TTN: variants seen among roughly 807,000 people sequenced by gnomAD.
The protein encoded by TTN is titin.
TTN carries 1,525 observed loss-of-function variants against 3,223.0 expected under a neutral mutation model. That is an observed-to-expected ratio of 0.47 (90% CI 0.45 to 0.49). The LOEUF is 0.49. TTN is among the 20% of genes least tolerant of loss of function. The pLI is 0.00. For synonymous variants in TTN, 14,094 were observed against 15,161.0 expected (o/e 0.93, Z 5.17); for missense variants, 40,786 against 43,424.0 (o/e 0.94, Z 5.40).
rs1316337733 is a variant in TTN at position 178,560,216 on chromosome 2, G to T, written c.85916C>A (p.Thr28639Asn). 6.2e-7 allele frequency: 1 copy of T among 1,613,768 alleles called. No homozygotes were observed. Among genetic ancestry groups the T allele is most frequent in the Non-Finnish European group, 8.5e-7 (1 of 1,179,776 alleles). The change falls in exon 326 of 363, where the codon ACC becomes AAC. Residue 28639 changes from threonine to asparagine, a missense_variant. Physicochemically the swap from Thr to Asn is moderately conservative, Grantham distance 65 (BLOSUM62 0). Coordinates refer to ENST00000589042, the MANE Select transcript of TTN (RefSeq NM_001267550.2). ...NAAGLSLPSE[T>N]SPLIRAEDPV... Reference sequence around the variant, plus strand: ...ATCTTCTGCCCTAATTAAGGGAGAGGTTTCACTTGGAAGACTTAGGCCAGC... The same window carrying T: ...ATCTTCTGCCCTAATTAAGGGAGAGTTTTCACTTGGAAGACTTAGGCCAGC...
At chr2:178,619,302 T>C in intron 250 of TTN, 1 of 406,476 alleles carries the variant, frequency 2.5e-6, no homozygotes, top group Non-Finnish European at 4.4e-6. Context: ...CACACAGGGG[T>C]TTGTAAAGTA....
intron 123 of TTN, 45 bp downstream of exon 123, chr2:178,689,470 C>A (rs1402878228): frequency 1.2e-6 from 2 of 1,602,440 alleles, no homozygotes; most frequent in East Asian, 4.5e-5. Flanking sequence ...ATTAAAGAGG[C>A]TTGAAGGAAA....
chr2:178,762,006 G>A (rs1313899346), intron 43 of TTN, among the ~76,000 whole-genome samples: 1 of 151,922 alleles, frequency 6.6e-6, no homozygotes, highest in Admixed American at 6.6e-5. Context: ...CCTTCAATAG[G>A]TAACATTTTC....
Position 178,592,297 on chromosome 2 carries a change from A to G in TTN, c.59627-20T>C. ...GTTTATCTAAAAAGTGTTAAATAAC[A>G]GTTTGATAAGTAATTTTATCCATAT... On this transcript the variant is annotated intron_variant, in intron 301 of 362. Transcript: ENST00000589042. The G allele has an allele frequency of 6.2e-7, 1 of 1,602,622 alleles. No homozygotes were observed. The highest frequency in any genetic ancestry group is 1.1e-5 in the South Asian group (1 of 87,888).
At chr2:178,681,209 A>G (rs2069308009) in intron 137 of TTN, 38 bp from the exon 138 acceptor site, 1 of 1,546,928 alleles carries the variant, frequency 6.5e-7, no homozygotes, top group Non-Finnish European at 8.8e-7. Context: ...ATTAAAACCA[A>G]CTCCTTGAAT....
Position 178,731,751 on chromosome 2 carries a change from C to G in TTN, c.17124G>C (p.Gln5708His), listed in dbSNP as rs373282814. Residue 5708 changes from glutamine (Q) to histidine (H), a missense_variant, in exon 58 of 363, where the codon CAG becomes CAC. Gln to His is a conservative substitution (Grantham distance 24). Transcript: ENST00000589042. The stretch of plus-strand genomic sequence containing the variant: ...TGCCCACCTCATTGGTCACCCGACA[C>G]TGGTATTCGCCAGCATCTGCAGCTA... ...KFVAADAGEY[Q>H]CRVTNEVGSS... is the part of the protein sequence containing the mutation. 17 of 1,613,662 alleles carry G rather than the reference C, an allele frequency of 1.1e-5. No homozygotes were observed. In the African/African-American group the frequency reaches 2.3e-4, roughly 22 times the overall value.
chr2:178,601,963 G>T (rs766900247), intron 284 of TTN, 39 bp downstream of exon 284: 2 of 1,612,430 alleles, frequency 1.2e-6, no homozygotes, highest in East Asian at 4.5e-5. Flanking sequence ...TCCTTATAGT[G>T]ATTCAGTGGA....
In TTN at chr2:178,664,051, C is replaced by T. The variant is rs759090194; in HGVS notation, c.36328G>A (p.Val12110Met). The T allele has an allele frequency of 2.3e-5, 37 of 1,613,096 alleles. No homozygotes were observed. Among genetic ancestry groups the T allele is most frequent in the Non-Finnish European group, 3.0e-5 (35 of 1,179,758 alleles). The part of the protein sequence containing the change: ...EIIPEKKVSV[V>M]PPKKPEVPPV... The stretch of plus-strand genomic sequence containing the variant: ...GGGACTTCAGGCTTTTTAGGAGGCA[C>T]CACCGACACTTTCTTTTCAGGGATA... Residue 12110 changes from valine to methionine, a missense_variant, in exon 169 of 363, where the codon GTG (valine) becomes ATG (methionine). Val to Met is a conservative substitution (Grantham distance 21). Transcript: ENST00000589042.
In TTN at chr2:178,568,109, A is replaced by C. The variant is rs781254081; in HGVS notation, c.78023T>G (p.Val26008Gly). 1 of 1,613,342 alleles carries C rather than the reference A, an allele frequency of 6.2e-7. No homozygotes were observed. The highest frequency in any genetic ancestry group is 8.5e-7 in the Non-Finnish European group (1 of 1,179,588). ...GTTGACTGGTTCATGCCACTGTATG[A>C]CCATGGAGTCTTTGGAAATGGCTGT... ...FATAISKDSM[V>G]IQWHEPVNNG... Residue 26008 changes from valine to glycine, a missense_variant, in exon 326 of 363, where the codon GTC (valine) becomes GGC (glycine). By Grantham distance (109) the Val-to-Gly change is moderately radical. Coordinates refer to ENST00000589042, the MANE Select transcript of TTN (RefSeq NM_001267550.2).
Position 178,786,130 on chromosome 2 carries a change from T to C in TTN, c.2088A>G (p.Gly696=), listed in dbSNP as rs956462410. 8 of 1,613,832 alleles carry C rather than the reference T, an allele frequency of 5.0e-6. No individual in the cohort carries two copies. The highest frequency in any genetic ancestry group is 6.8e-6 in the Non-Finnish European group (8 of 1,179,968). ...CTGTTGCTACAGCTTCAGCCTTTTT[T>C]CCAACGTCCACCTGGAGACAAGGTT... The part of the protein sequence containing the change: ...IQVTHGKVDV[G]KKAEAVATVV... Residue 696 remains glycine (G), a synonymous_variant, in exon 14 of 363, where the codon GGA becomes GGG. Coordinates refer to ENST00000589042, the MANE Select transcript of TTN (RefSeq NM_001267550.2).
intron 294 of TTN, 23 bp downstream of exon 294, chr2:178,597,515 A>G (rs1282677206): frequency 2.5e-6 from 4 of 1,598,726 alleles, no homozygotes; most frequent in Non-Finnish European, 3.4e-6. Context: ...AAAAAGTTGC[A>G]CAGACAAATT....
In TTN at chr2:178,564,944, G is replaced by T. The variant is rs1705140581; in HGVS notation, c.81188C>A (p.Ala27063Glu). 1 of 1,612,340 alleles carries T rather than the reference G, an allele frequency of 6.2e-7. No individual in the cohort carries two copies. Among genetic ancestry groups the T allele is most frequent in the Non-Finnish European group, 8.5e-7 (1 of 1,179,176 alleles). ...TTTAAATGGATATTGTACAATAACT[G>T]CCTTAGAATCCAGTGGGGCACTTTT... ...YGKSAPLDSK[A>E]VIVQYPFKEP... The change falls in exon 326 of 363, where the codon GCA (alanine) becomes GAA (glutamate). Residue 27063 changes from alanine to glutamate, a missense_variant. Coordinates refer to ENST00000589042, the MANE Select transcript of TTN (RefSeq NM_001267550.2).
In TTN at chr2:178,548,455, C is replaced by G. The variant is rs759940210; in HGVS notation, c.93171G>C (p.Glu31057Asp). ...TAACCTGCCAACTACGGCGACTTGC[C>G]TCTCGTTTCTCTACCACATAATGAT... is the stretch of plus-strand genomic sequence containing the variant. ...RIHHYVVEKREASRRSWQVIS... is the reference protein window; with the variant it reads ...RIHHYVVEKRDASRRSWQVIS... The change falls in exon 339 of 363, where the codon GAG becomes GAC. Residue 31057 changes from glutamate to aspartate, a missense_variant. Coordinates refer to ENST00000589042, the MANE Select transcript of TTN (RefSeq NM_001267550.2). The surrounding 1 kb of genome is among the most constrained non-coding windows in gnomAD (Gnocchi z 4.3). 1.9e-6 allele frequency: 3 copies of G among 1,613,738 alleles called. No homozygotes were observed. The South Asian group carries it at 3.3e-5, about 18-fold the overall frequency.
Position 178,710,849 on chromosome 2 carries a change from A to C in TTN, c.28248T>G (p.Phe9416Leu). 1 of 1,613,870 alleles carries C rather than the reference A, an allele frequency of 6.2e-7. No individual in the cohort carries two copies. Among genetic ancestry groups the C allele is most frequent in the Non-Finnish European group, 8.5e-7 (1 of 1,179,806 alleles). The change falls in exon 98 of 363, where the codon TTT becomes TTG. Residue 9416 changes from phenylalanine (F) to leucine (L), a missense_variant. By Grantham distance (22) the Phe-to-Leu change is conservative. Coordinates refer to ENST00000589042, the MANE Select transcript of TTN (RefSeq NM_001267550.2). ...VDAVVGESAD[F>L]ECHVTGTQPI... ...GTTGTGTGCCCGTGACGTGGCACTC[A>C]AAGTCAGCACTTTCTCCCACCACAG...
In TTN at chr2:178,664,111, T is replaced by A. The variant is rs751095834; in HGVS notation, c.36281-13A>T. ...GGAGCTTCGTGCACTTGAAAGATAT[T>A]AGTATTTTTACACTCAGAAAATACA... On this transcript the variant is annotated splice_polypyrimidine_tract_variant and intron_variant, in intron 168 of 362. Coordinates refer to ENST00000589042, the MANE Select transcript of TTN (RefSeq NM_001267550.2). 5.4e-5 allele frequency: 86 copies of A among 1,600,806 alleles called. No homozygotes were observed. The highest frequency in any genetic ancestry group is 6.9e-5 in the Non-Finnish European group (81 of 1,174,958).
intron 10 of TTN, among the ~76,000 whole-genome samples, chr2:178,791,663 ATGTGTGTGTGTG>A (rs58282760): frequency 6.8e-6 from 1 of 147,388 alleles, no homozygotes; most frequent in African/African-American, 2.5e-5. Flanking sequence ...GTATGTGTAT[ATGTGTGTGTGTG>A]TGTGTGTGTG....
At position 178,575,756 on chromosome 2, in the gene TTN, G is replaced by A. The variant is rs776457502; in HGVS notation, c.70376C>T (p.Pro23459Leu). ...TATACGTGAGCCTCCATCTATCAGA[G>A]GGAGGTCCCAGTGCAGGGTGACACT... ...KDSVTLHWDLPLIDGGSRITN... is the reference protein window; with the variant it reads ...KDSVTLHWDLLLIDGGSRITN... The change falls in exon 326 of 363, where the codon CCT becomes CTT. Residue 23459 changes from proline to leucine, a missense_variant. Physicochemically the swap from Pro to Leu is moderately conservative, Grantham distance 98 (BLOSUM62 -3). Transcript: ENST00000589042. This position sits in a 1 kb window ranked among gnomAD's most constrained non-coding sequence, Gnocchi z 4.0. The A allele has an allele frequency of 4.3e-6, 7 of 1,613,482 alleles. No homozygotes were observed. The highest frequency in any genetic ancestry group is 5.9e-6 in the Non-Finnish European group (7 of 1,179,576).
chr2:178,790,726 C>T lies in TTN; in HGVS notation c.1782G>A (p.Met594Ile). The T allele has an allele frequency of 6.2e-7, 1 of 1,614,122 alleles. No homozygotes were observed. The highest frequency in any genetic ancestry group is 8.5e-7 in the Non-Finnish European group (1 of 1,180,006). ...TCATCACCTTTTCATAACTTAGGTGCATTTGATCTTGTTGTGTGGTAGTTT... is the reference window on the plus strand; with the variant it reads ...TCATCACCTTTTCATAACTTAGGTGTATTTGATCTTGTTGTGTGGTAGTTT... ...QEETTTQQDQ[M>I]HLSYEKIMKE... The change falls in exon 11 of 363, where the codon ATG (methionine) becomes ATA (isoleucine). Residue 594 changes from methionine to isoleucine, a missense_variant. By Grantham distance (10) the Met-to-Ile change is conservative. Coordinates refer to ENST00000589042, the MANE Select transcript of TTN (RefSeq NM_001267550.2).
Position 178,566,646 on chromosome 2 carries a change from T to C in TTN, c.79486A>G (p.Ile26496Val), listed in dbSNP as rs757760643. ...FKPGPPTNAH[I>V]VDTTKNSITL... ...ATTGAATTTTTAGTGGTGTCTACAA[T>C]GTGTGCATTGGTAGGTGGGCCAGGT... Residue 26496 changes from isoleucine to valine, a missense_variant, in exon 326 of 363, where the codon ATT becomes GTT. Coordinates refer to ENST00000589042, the MANE Select transcript of TTN (RefSeq NM_001267550.2). 4 of 1,612,948 alleles carry C rather than the reference T, an allele frequency of 2.5e-6. No individual in the cohort carries two copies. Among genetic ancestry groups the C allele is most frequent in the South Asian group, 2.2e-5 (2 of 91,082 alleles).
Sources: allele counts gnomAD v4.1 joint callset (sites outside exome capture counted in the v4.1 genomes callset), GRCh38; gene constraint gnomAD v4.1.1; non-coding constraint Gnocchi (gnomAD v3.1); transcripts MANE v1.5; gene names NCBI Gene and HGNC (gene_info 2026-07-23, HGNC 2026-07-21).